The following SH3RF3 variants were observed in gnomAD, a reference collection of about 807,000 sequenced individuals.
SH3RF3 encodes E3 ubiquitin-protein ligase SH3RF3.
SH3RF3 carries 29 observed loss-of-function variants against 66.3 expected under a neutral mutation model. The ratio of observed to expected loss-of-function variants is 0.44; its 90% CI spans 0.33 to 0.60. The LOEUF is 0.60. SH3RF3 is among the 20% of genes least tolerant of loss of function. The pLI, the probability that SH3RF3 is intolerant of heterozygous loss-of-function variation, is 0.04. For missense variants in SH3RF3, 1,194 were observed against 1,190.9 expected (o/e 1.00, Z -0.04); for synonymous variants, 583 against 532.0 (o/e 1.10, Z -1.32).
chr2:109,297,808 T>C (rs1179233793), intron 1 of SH3RF3, among the ~76,000 whole-genome samples: 1 of 151,048 alleles, frequency 6.6e-6, no homozygotes, highest in Non-Finnish European at 1.5e-5. Context: ...CTCTCCCCAC[T>C]AGGTCAGTGC....
chr2:109,335,690 C>A (rs896046665), intron 1 of SH3RF3, among the ~76,000 whole-genome samples: 1 of 152,164 alleles, frequency 6.6e-6, no homozygotes, highest in Non-Finnish European at 1.5e-5. Context: ...CGGGTGGGGA[C>A]CTCTGAGTGT....
rs940772831 is a variant in SH3RF3, at chr2:109,476,944, C to T, written c.2149-13661C>T. Among the ~76,000 whole-genome samples the T allele has an allele frequency of 9.2e-5, 14 of 152,320 alleles. No individual in the cohort carries two copies. In the East Asian group the frequency reaches 2.5e-3, roughly 27 times the overall value. On this transcript the variant is annotated intron_variant, in intron 8 of 9. Coordinates refer to ENST00000309415, the MANE Select transcript of SH3RF3 (RefSeq NM_001099289.3). ...GCAGTGAGGACAACCAGAGGTCACC[C>T]TCATCACCACCTTGGTTTTGGTGGG... is the stretch of plus-strand genomic sequence containing the variant.
intron 8 of SH3RF3, among the ~76,000 whole-genome samples, chr2:109,475,586 G>A (rs1195770019): frequency 6.6e-6 from 1 of 152,186 alleles, no homozygotes; most frequent in Admixed American, 6.5e-5. Flanking sequence ...TGTAGCCAGG[G>A]CTTCTCAACC....
intron 1 of SH3RF3, among the ~76,000 whole-genome samples, chr2:109,309,364 A>G (rs1681674023): frequency 6.7e-6 from 1 of 149,942 alleles, no homozygotes; most frequent in Admixed American, 6.6e-5. Context: ...CTAAACATGG[A>G]AAGGAACAAC....
intron 8 of SH3RF3, among the ~76,000 whole-genome samples, chr2:109,460,113 G>T (rs896257978): frequency 1.3e-5 from 2 of 152,214 alleles, no homozygotes; most frequent in Admixed American, 1.3e-4. Flanking sequence ...CGAGCCCATT[G>T]CTGCACTTCA....
chr2:109,313,233 A>G (rs1039230148), intron 1 of SH3RF3, among the ~76,000 whole-genome samples: 1 of 152,226 alleles, frequency 6.6e-6, no homozygotes, highest in Non-Finnish European at 1.5e-5. Context: ...TGACACCGGC[A>G]TGATATCAGG....
rs548789473 is a variant in SH3RF3 at position 109,419,451 on chromosome 2, C to T, written c.1300-88C>T. On this transcript the variant is annotated intron_variant, in intron 4 of 9. Coordinates refer to ENST00000309415, the MANE Select transcript of SH3RF3 (RefSeq NM_001099289.3). ...CCAGGCAGCTGGCGAAGCACAGGCA[C>T]CTGTGGATGCAGCCTCATTTTGCTT... The T allele has an allele frequency of 1.9e-5, 26 of 1,350,890 alleles. No homozygotes were observed. In the Admixed American group the frequency reaches 4.1e-4, roughly 21 times the overall value. 83.7% of individuals were successfully genotyped at this position (1,350,890 alleles called of 1,614,324 possible). A position where few individuals can be genotyped will look rare whatever the true frequency, so the allele number is the denominator to read the frequency against.
chr2:109,188,568 A>G (rs1401813767), intron 1 of SH3RF3, among the ~76,000 whole-genome samples: 1 of 152,154 alleles, frequency 6.6e-6, no homozygotes. Context: ...CTGCATCCCT[A>G]TGGAGGGGCA....
At chr2:109,333,946 A>T (rs984912144) in intron 1 of SH3RF3, among the ~76,000 whole-genome samples, 2 of 152,246 alleles carry the variant, frequency 1.3e-5, no homozygotes, top group African/African-American at 4.8e-5. Flanking sequence ...TAATGAGGAC[A>T]TGCTCAGAGT....
At chr2:109,259,220 C>T (rs903557831) in intron 1 of SH3RF3, among the ~76,000 whole-genome samples, 8 of 152,302 alleles carry the variant, frequency 5.3e-5, no homozygotes, top group East Asian at 1.9e-4. Context: ...CTTCATGGGT[C>T]GGATTAAAGG....
At chr2:109,447,744 G>A (rs1003312042) in intron 7 of SH3RF3, among the ~76,000 whole-genome samples, 2 of 152,192 alleles carry the variant, frequency 1.3e-5, no homozygotes, top group African/African-American at 4.8e-5. Context: ...AACACACATA[G>A]TAGCAGGATT....
intron 1 of SH3RF3, among the ~76,000 whole-genome samples, chr2:109,267,248 C>T (rs1399107619): frequency 6.6e-6 from 1 of 152,046 alleles, no homozygotes; most frequent in Non-Finnish European, 1.5e-5. Flanking sequence ...TGTAAAGGCA[C>T]ACAATGGAAC....
chr2:109,491,181 C>A (rs1679124041), intron 9 of SH3RF3, among the ~76,000 whole-genome samples: 3 of 152,126 alleles, frequency 2.0e-5, no homozygotes, highest in Non-Finnish European at 4.4e-5. Context: ...TGCAAAGGAG[C>A]CATCAGGAAA....
chr2:109,445,124 A>G (rs1290257971), intron 7 of SH3RF3, among the ~76,000 whole-genome samples: 1 of 152,242 alleles, frequency 6.6e-6, no homozygotes, highest in Non-Finnish European at 1.5e-5. Context: ...AGCCATACAG[A>G]GGAATTTATC....
In SH3RF3 at chr2:109,490,504, A is replaced by G; in HGVS notation, c.2149-101A>G. 3 of 1,005,040 alleles carry G rather than the reference A, an allele frequency of 3.0e-6. No individual in the cohort carries two copies. In the South Asian group the frequency reaches 9.4e-5, roughly 31 times the overall value. 62.3% of individuals were successfully genotyped at this position (1,005,040 alleles called of 1,614,324 possible). A position where few individuals can be genotyped will look rare whatever the true frequency, so the allele number is the denominator to read the frequency against. On this transcript the variant is annotated intron_variant, in intron 8 of 9. Coordinates refer to ENST00000309415, the MANE Select transcript of SH3RF3 (RefSeq NM_001099289.3). ...TTTGTCTGAAAAAATAAGAAATTTAAAAATAAAGTTCCACATAGGAAGATG... is the reference window on the plus strand; with the variant it reads ...TTTGTCTGAAAAAATAAGAAATTTAGAAATAAAGTTCCACATAGGAAGATG...
intron 6 of SH3RF3, among the ~76,000 whole-genome samples, chr2:109,433,124 C>T (rs1028162114): frequency 2.0e-5 from 3 of 152,198 alleles, no homozygotes; most frequent in Non-Finnish European, 2.9e-5. Context: ...CGTGCGTATG[C>T]ATACTGTAAG....
chr2:109,465,692 C>G (rs1254326972), intron 8 of SH3RF3, among the ~76,000 whole-genome samples: 1 of 152,182 alleles, frequency 6.6e-6, no homozygotes, highest in Non-Finnish European at 1.5e-5. Flanking sequence ...AGCATAGCAG[C>G]TTTTACTTCT....
At chr2:109,232,845 G>A (rs1325525965) in intron 1 of SH3RF3, among the ~76,000 whole-genome samples, 1 of 152,130 alleles carries the variant, frequency 6.6e-6, no homozygotes, top group Admixed American at 6.5e-5. Context: ...ATTTTATCGA[G>A]GTTCAATTTA....
chr2:109,468,509 G>A (rs1678418038), intron 8 of SH3RF3, among the ~76,000 whole-genome samples: 1 of 152,126 alleles, frequency 6.6e-6, no homozygotes, highest in South Asian at 2.1e-4. Context: ...GAAGCAAAAT[G>A]TTTCCATGCG....
Sources: gnomAD v4.1 joint callset for allele counts (sites outside exome capture counted in the v4.1 genomes callset) on GRCh38, gnomAD v4.1.1 for gene constraint, MANE v1.5 for transcripts, NCBI Gene and HGNC (gene_info 2026-07-23, HGNC 2026-07-21) for gene names.